Variants in LMTK3 observed in about 807,000 individuals in gnomAD.
The protein encoded by LMTK3 is serine/threonine-protein kinase LMTK3.
A neutral mutation model predicts 116.7 loss-of-function variants in LMTK3; 27 were observed. The ratio of observed to expected loss-of-function variants is 0.23; its 90% CI spans 0.17 to 0.32. The LOEUF (loss-of-function observed/expected upper bound fraction) is 0.32. Ranked by LOEUF, LMTK3 falls within the 10% of genes least tolerant of loss-of-function variation. The pLI is 1.00. For missense variants in LMTK3, 1,764 were observed against 2,068.5 expected, an observed-to-expected ratio of 0.85 and a Z score of 2.86; for synonymous variants, 965 against 971.0, an observed-to-expected ratio of 0.99 and a Z score of 0.11.
At position 48,501,338 on chromosome 19, in the gene LMTK3, C is replaced by G. The variant is rs1395493236; in HGVS notation, c.946G>C (p.Gly316Arg). 6.2e-7 allele frequency: 1 copy of G among 1,613,470 alleles called. No homozygotes were observed. Among genetic ancestry groups the G allele is most frequent in the South Asian group, 1.1e-5 (1 of 91,086 alleles). Residue 316 changes from glycine to arginine, a missense_variant, in exon 9 of 15, where the codon GGG becomes CGG. Physicochemically the swap from Gly to Arg is moderately radical, Grantham distance 125. Coordinates refer to ENST00000600059, the MANE Select transcript of LMTK3 (RefSeq NM_001388485.1). ...PLRWAAPELL[G>R]ELHGTFMVVD... ...ACCATGAAGGTCCCGTGGAGCTCCC[C>G]GAGGAGCTCGGGCGCCGCCCAGCGC...
chr19:48,497,493 G>C lies in LMTK3; in HGVS notation c.3576C>G (p.Ser1192Arg), dbSNP rs780734998. 2 of 1,470,654 alleles carry C rather than the reference G, an allele frequency of 1.4e-6. No individual in the cohort carries two copies. Among genetic ancestry groups the C allele is most frequent in the Non-Finnish European group, 1.8e-6 (2 of 1,112,966 alleles). 91.1% of individuals were successfully genotyped at this position (1,470,654 alleles called of 1,614,324 possible). A position where few individuals can be genotyped will look rare whatever the true frequency, so the allele number is the denominator to read the frequency against. The stretch of plus-strand genomic sequence containing the variant: ...CGGGCTTGGGGGGGTCCCCGTCTCC[G>C]CTGAGTGCCGTGTCTCCGCCGGCCC... ...DSRAGGDTAL[S>R]GDGDPPKPER... The change falls in exon 11 of 15, where the codon AGC becomes AGG. Residue 1192 changes from serine (S) to arginine (R), a missense_variant. By Grantham distance (110) the Ser-to-Arg change is moderately radical (BLOSUM62 -1). Coordinates refer to ENST00000600059, the MANE Select transcript of LMTK3 (RefSeq NM_001388485.1). The surrounding 1 kb of genome is among the most constrained non-coding windows in gnomAD (Gnocchi z 5.7).
At chr19:48,496,301 C>CTT (rs553971997) in intron 11 of LMTK3, among the ~76,000 whole-genome samples, 6 of 122,304 alleles carry the variant, frequency 4.9e-5, no homozygotes, top group African/African-American at 6.3e-5. Context: ...TTTTTCTTTT[C>CTT]TTTTTTTTTT....
intron 12 of LMTK3, among the ~76,000 whole-genome samples, chr19:48,493,439 G>C (rs1402259639): frequency 2.5e-5 from 3 of 118,140 alleles, no homozygotes; most frequent in African/African-American, 1.2e-4. Context: ...CCCCAATTCA[G>C]CTTGCCCTCC....
chr19:48,489,344 G>T (rs995412417), intron 14 of LMTK3, among the ~76,000 whole-genome samples: 1 of 152,166 alleles, frequency 6.6e-6, no homozygotes, highest in Admixed American at 6.5e-5. Flanking sequence ...AGGCCAAGGC[G>T]GGCAGATCGC....
chr19:48,491,513 G>A lies in LMTK3; in HGVS notation c.4119C>T (p.Val1373=). 1 of 1,402,860 alleles carries A rather than the reference G, an allele frequency of 7.1e-7. No individual in the cohort carries two copies. The highest frequency in any genetic ancestry group is 9.3e-7 in the Non-Finnish European group (1 of 1,073,720). The allele number at this position is 1,402,860 out of a possible 1,614,324, so 86.9% of individuals were successfully genotyped here. Residue 1373 remains valine (V), a synonymous_variant, in exon 13 of 15, where the codon GTC becomes GTT. Transcript: ENST00000600059. This position sits in a 1 kb window ranked among gnomAD's most constrained non-coding sequence, Gnocchi z 5.1. ...CCGTGTCCCCCTCGGGGGGGGCCTGGACGCTCAGCTCGTTGGTTGGCGTCT... is the reference window on the plus strand; with the variant it reads ...CCGTGTCCCCCTCGGGGGGGGCCTGAACGCTCAGCTCGTTGGTTGGCGTCT... ...DQETPTNELS[V]QAPPEGDTDP... is the part of the protein sequence containing the mutation.
rs1972105490 is a variant in LMTK3, at chr19:48,485,483, G to A, written c.*290C>T. Reference sequence around the variant, plus strand: ...GTCGAGGGGCTCCAGGCCCAAAAGAGTTCAGTTCAGTTCCGAGAAAGGCGG... The same window carrying A: ...GTCGAGGGGCTCCAGGCCCAAAAGAATTCAGTTCAGTTCCGAGAAAGGCGG... On this transcript the variant is annotated 3_prime_UTR_variant, in exon 15 of 15. Transcript: ENST00000600059. 2.2e-6 allele frequency: 1 copy of A among 445,744 alleles called. No individual in the cohort carries two copies. Among genetic ancestry groups the A allele is most frequent in the African/African-American group, 2.1e-5 (1 of 48,256 alleles). 27.6% of individuals were successfully genotyped at this position (445,744 alleles called of 1,614,324 possible).
At position 48,498,304 on chromosome 19, in the gene LMTK3, G is replaced by C; in HGVS notation, c.2765C>G (p.Pro922Arg). 1 of 1,613,240 alleles carries C rather than the reference G, an allele frequency of 6.2e-7. No individual in the cohort carries two copies. Among genetic ancestry groups the C allele is most frequent in the Non-Finnish European group, 8.5e-7 (1 of 1,179,648 alleles). Residue 922 changes from proline to arginine, a missense_variant, in exon 11 of 15, where the codon CCA becomes CGA. Coordinates refer to ENST00000600059, the MANE Select transcript of LMTK3 (RefSeq NM_001388485.1). ...CTCCAGCACTGTCACCCCGTTCACT[G>C]GGAGGCTCAGGCTTGGGGCTTGTTT... ...NGKQAPSLSL[P>R]VNGVTVLENG...
chr19:48,503,022 T>C, intron 5 of LMTK3, 26 bp from the exon 6 acceptor site: 1 of 1,488,536 alleles, frequency 6.7e-7, no homozygotes, highest in Non-Finnish European at 9.3e-7. Context: ...GTGGCTGAGT[T>C]GGGAAGGCAG....
chr19:48,486,994 T>TAGCTGGGA (rs1555900103), intron 14 of LMTK3, among the ~76,000 whole-genome samples: 1 of 151,558 alleles, frequency 6.6e-6, no homozygotes, highest in Non-Finnish European at 1.5e-5. Context: ...GCTTCCTGAG[T>TAGCTGGGA]AGCTGGGATT....
chr19:48,507,482 T>C (rs1699956408), intron 5 of LMTK3, among the ~76,000 whole-genome samples: 1 of 152,202 alleles, frequency 6.6e-6, no homozygotes, highest in African/African-American at 2.4e-5. Flanking sequence ...GGTGGGAATC[T>C]TCTGGACCAG....
chr19:48,499,588 G>T lies in LMTK3; in HGVS notation c.1481C>A (p.Ala494Glu). The T allele has an allele frequency of 6.5e-7, 1 of 1,535,634 alleles. No homozygotes were observed. Among genetic ancestry groups the T allele is most frequent in the Non-Finnish European group, 8.8e-7 (1 of 1,141,680 alleles). ...ARRGAGRGGG[A>E]PAWQPASAPP... Reference sequence around the variant, plus strand: ...GGCCGACGCCGGCTGCCAGGCAGGTGCCCCCCCACCCCGGCCGGCCCCACG... The same window carrying T: ...GGCCGACGCCGGCTGCCAGGCAGGTTCCCCCCCACCCCGGCCGGCCCCACG... The change falls in exon 11 of 15, where the codon GCA becomes GAA. Residue 494 changes from alanine (A) to glutamate (E), a missense_variant. Transcript: ENST00000600059.
chr19:48,501,850 C>T (rs1972473460), intron 7 of LMTK3, among the ~76,000 whole-genome samples: 1 of 150,864 alleles, frequency 6.6e-6, no homozygotes, highest in Non-Finnish European at 1.5e-5. Flanking sequence ...TGACTCCTCC[C>T]CCTCCTCTCC....
rs1375683345 is a variant in LMTK3, at chr19:48,510,191, GAA to G, written c.211-20_211-19del. On this transcript the variant is annotated intron_variant, in intron 2 of 14. Transcript: ENST00000600059. ...TCAAATTCCTGGGGCCAGGAGAGGA[GAA>G]GAGGGGTGGGAGAACGCAGGGCTGA... 1 of 1,605,916 alleles carries G rather than the reference GAA, an allele frequency of 6.2e-7. No homozygotes were observed. The highest frequency in any genetic ancestry group is 1.3e-5 in the African/African-American group (1 of 74,770).
intron 14 of LMTK3, among the ~76,000 whole-genome samples, chr19:48,490,202 C>T (rs1306978965): frequency 6.6e-6 from 1 of 152,236 alleles, no homozygotes; most frequent in East Asian, 1.9e-4. Context: ...CACTTCTCTC[C>T]GTGCCTCAGT....
In LMTK3 at chr19:48,496,623, A is replaced by G. The variant is rs528267622; in HGVS notation, c.3676+770T>C. 3.3e-5 allele frequency among the ~76,000 whole-genome samples: 5 copies of G among 152,178 alleles called. No individual in the cohort carries two copies. The East Asian group carries it at 9.7e-4, about 29-fold the overall frequency. On this transcript the variant is annotated intron_variant, in intron 11 of 14. Coordinates refer to ENST00000600059, the MANE Select transcript of LMTK3 (RefSeq NM_001388485.1). The stretch of plus-strand genomic sequence containing the variant: ...CGGCCCATGCCTGGCTAACTTTTGT[A>G]TTTTTAGTAGAGATGGGGTTTCGCC...
At chr19:48,512,658 A>G (rs565218655), upstream of LMTK3, among the ~76,000 whole-genome samples, 9 of 152,268 alleles carry the variant, frequency 5.9e-5, no homozygotes, top group African/African-American at 1.9e-4. Flanking sequence ...ATGAGTACAC[A>G]GAAACATAAT....
intron 5 of LMTK3, among the ~76,000 whole-genome samples, chr19:48,503,598 C>T (rs1376947533): frequency 1.3e-5 from 2 of 152,090 alleles, no homozygotes; most frequent in Non-Finnish European, 2.9e-5. Context: ...GCTCTAGTCT[C>T]TCCCCTTCCC....
At chr19:48,493,331 G>GC (rs577356384) in intron 12 of LMTK3, among the ~76,000 whole-genome samples, 175 of 39,692 alleles carry the variant, frequency 4.4e-3, no homozygotes, top group Non-Finnish European at 7.0e-3. Flanking sequence ...CCTGGGCTCC[G>GC]CCCCCCAGCC....
chr19:48,499,418 G>C lies in LMTK3; in HGVS notation c.1651C>G (p.Pro551Ala). 6.9e-7 allele frequency: 1 copy of C among 1,457,926 alleles called. No homozygotes were observed. Among genetic ancestry groups the C allele is most frequent in the Non-Finnish European group, 9.1e-7 (1 of 1,104,458 alleles). The allele number at this position is 1,457,926 out of a possible 1,614,324, so 90.3% of individuals were successfully genotyped here. A position where few individuals can be genotyped will look rare whatever the true frequency, so the allele number is the denominator to read the frequency against. ...RLEEHGSPPE[P>A]LFPNDWDPLD... ...GGGTCCCAGTCGTTGGGGAAGAGGG[G>C]CTCAGGAGGGGAGCCGTGCTCCTCC... The change falls in exon 11 of 15, where the codon CCC becomes GCC. Residue 551 changes from proline to alanine, a missense_variant. Transcript: ENST00000600059.
Sources: allele counts gnomAD v4.1 joint callset (sites outside exome capture counted in the v4.1 genomes callset), GRCh38; gene constraint gnomAD v4.1.1; non-coding constraint Gnocchi (gnomAD v3.1); transcripts MANE v1.5; gene names NCBI Gene and HGNC (gene_info 2026-07-23, HGNC 2026-07-21).